Variants in HDAC9 observed in about 807,000 individuals in gnomAD.
HDAC9 encodes MEF-2 interacting transcription repressor (MITR) protein.
HDAC9 carries 41 observed loss-of-function variants against 139.4 expected under a neutral mutation model. The ratio of observed to expected loss-of-function variants is 0.29; its 90% CI spans 0.23 to 0.38. The LOEUF is 0.38. Ranked by LOEUF, HDAC9 falls within the 10% of genes least tolerant of loss-of-function variation. HDAC9 has a pLI of 1.00. For synonymous variants in HDAC9, 517 were observed against 476.2 expected, an observed-to-expected ratio of 1.09 and a Z score of -1.12; for missense variants, 1,147 against 1,297.0, an observed-to-expected ratio of 0.88 and a Z score of 1.78.
At chr7:18,700,071 G>A (rs778546317) in intron 12 of HDAC9, among the ~76,000 whole-genome samples, 1 of 151,948 alleles carries the variant, frequency 6.6e-6, no homozygotes, top group Non-Finnish European at 1.5e-5. Context: ...ATAGATGATG[G>A]TTATAGAGTA....
intron 1 of HDAC9, among the ~76,000 whole-genome samples, chr7:18,398,685 A>T (rs2128731156): frequency 6.6e-6 from 1 of 152,260 alleles, no homozygotes; most frequent in East Asian, 1.9e-4. Context: ...ACATTTAAAT[A>T]TGGTTAAACT....
chr7:18,527,280 A>C (rs1373557931), intron 2 of HDAC9, among the ~76,000 whole-genome samples: 1 of 152,112 alleles, frequency 6.6e-6, no homozygotes, highest in Non-Finnish European at 1.5e-5. Context: ...TGAAACTTGC[A>C]TGTCTTTTGG....
At chr7:18,255,223 G>A (rs1795154268) in intron 2 of HDAC9, among the ~76,000 whole-genome samples, 1 of 152,168 alleles carries the variant, frequency 6.6e-6, no homozygotes, top group Non-Finnish European at 1.5e-5. Context: ...TAAACACATA[G>A]CTGATATTCA....
chr7:18,749,055 T>G lies in HDAC9; in HGVS notation c.1960T>G (p.Ser654Ala), dbSNP rs750275725. 1 of 1,613,612 alleles carries G rather than the reference T, an allele frequency of 6.2e-7. No homozygotes were observed. The highest frequency in any genetic ancestry group is 1.3e-5 in the African/African-American group (1 of 74,920). Reference sequence around the variant, plus strand: ...GAAACACCAGTGCGTTTGTGGCAATTCCACCACCCACCCTGAGCATGCTGG... The same window carrying G: ...GAAACACCAGTGCGTTTGTGGCAATGCCACCACCCACCCTGAGCATGCTGG... ...MLKHQCVCGN[S>A]TTHPEHAGRI... Residue 654 changes from serine to alanine, a missense_variant, in exon 14 of 26, where the codon TCC becomes GCC. By Grantham distance (99) the Ser-to-Ala change is moderately conservative. Around this residue, in one of 7 missense-constraint regions of HDAC9, gnomAD observed 407 missense variants for 521.5 expected, o/e 0.78. Transcript: ENST00000686413.
chr7:18,353,206 G>T (rs1470161807), intron 1 of HDAC9, among the ~76,000 whole-genome samples: 3 of 152,058 alleles, frequency 2.0e-5, no homozygotes, highest in South Asian at 4.2e-4. Flanking sequence ...ATTGTACAAA[G>T]AAACTTCTTT....
chr7:18,918,281 G>C (rs139280612), intron 22 of HDAC9, among the ~76,000 whole-genome samples: 36 of 151,780 alleles, frequency 2.4e-4, no homozygotes, highest in African/African-American at 7.7e-4. Context: ...AGTCTCTGAG[G>C]AGTACCCATG....
At chr7:18,255,979 G>A (rs997421899) in intron 2 of HDAC9, among the ~76,000 whole-genome samples, 9 of 152,122 alleles carry the variant, frequency 5.9e-5, no homozygotes, top group African/African-American at 2.2e-4. Flanking sequence ...AGGAAGCATT[G>A]AAAGCACAGT....
rs555087077 is a variant in HDAC9, at chr7:18,441,057, T to C, written c.-41-55205T>C. Among the ~76,000 whole-genome samples, 5 of 152,356 alleles carry C rather than the reference T, an allele frequency of 3.3e-5. 1 individual carries two copies. Among genetic ancestry groups the C allele is most frequent in the African/African-American group, 1.2e-4 (5 of 41,590 alleles). On this transcript the variant is annotated intron_variant, in intron 1 of 3. Transcript: ENST00000413509. ...AATTTGGCAATTCAATGGACTTCTC[T>C]GGATCATGTTCCTTCATCTATAAAA...
chr7:18,238,273 T>C (rs1307332635), intron 2 of HDAC9, among the ~76,000 whole-genome samples: 1 of 152,214 alleles, frequency 6.6e-6, no homozygotes, highest in Non-Finnish European at 1.5e-5. Context: ...CAAAACCCTT[T>C]GGGACAGTTG....
At chr7:18,737,329 G>C (rs942933919) in intron 13 of HDAC9, among the ~76,000 whole-genome samples, 1 of 152,076 alleles carries the variant, frequency 6.6e-6, no homozygotes, top group Admixed American at 6.6e-5. Context: ...TGATATTAGG[G>C]TCTTGATTTT....
chr7:18,256,175 C>T (rs1045665913), intron 2 of HDAC9, among the ~76,000 whole-genome samples: 14 of 151,976 alleles, frequency 9.2e-5, no homozygotes, highest in East Asian at 3.8e-4. Flanking sequence ...TACAATGCCC[C>T]GTATTTTAGG....
At chr7:18,330,596 A>G (rs1188958470) in intron 1 of HDAC9, among the ~76,000 whole-genome samples, 1 of 151,038 alleles carries the variant, frequency 6.6e-6, no homozygotes. Context: ...ATACCTCAGG[A>G]GGGAAAAAAA....
At chr7:18,981,947 GA>G (rs60037513) in intron 25 of HDAC9, among the ~76,000 whole-genome samples, 1 of 149,830 alleles carries the variant, frequency 6.7e-6, no homozygotes, top group Non-Finnish European at 1.5e-5. Context: ...CCTGCAAAAT[GA>G]AAAAAAAAGC....
chr7:18,647,871 C>T lies in HDAC9; in HGVS notation c.1122C>T (p.Ser374=). 6.2e-7 allele frequency: 1 copy of T among 1,612,604 alleles called. No individual in the cohort carries two copies. The highest frequency in any genetic ancestry group is 8.5e-7 in the Non-Finnish European group (1 of 1,179,320). The part of the protein sequence containing the change: ...GVPLPGQYGG[S]IPASSSHPHV... ...CTCTGCCTGGGCAGTATGGAGGCAG[C>T]ATCCCGGCATCTTCCAGCCACCCTC... The change falls in exon 10 of 26, where the codon AGC becomes AGT. Residue 374 remains serine, a synonymous_variant. Coordinates refer to ENST00000686413, the MANE Select transcript of HDAC9 (RefSeq NM_178425.4).
chr7:18,978,936 TTG>T (rs200796967), intron 25 of HDAC9, among the ~76,000 whole-genome samples: 79 of 152,186 alleles, frequency 5.2e-4, no homozygotes, highest in East Asian at 5.8e-4. Context: ...CTTGGTGACT[TTG>T]TGTGTGTGTG....
intron 2 of HDAC9, among the ~76,000 whole-genome samples, chr7:18,252,481 A>G (rs1360992661): frequency 6.6e-6 from 1 of 152,192 alleles, no homozygotes; most frequent in Admixed American, 6.5e-5. Flanking sequence ...TATATCCTAC[A>G]TACCCTAAGG....
At chr7:18,164,095 A>G (rs1787839083) in intron 2 of HDAC9, among the ~76,000 whole-genome samples, 1 of 152,214 alleles carries the variant, frequency 6.6e-6, no homozygotes, top group Non-Finnish European at 1.5e-5. Flanking sequence ...CTTATAAATC[A>G]TTCTGCTGTG....
chr7:18,918,084 TA>T (rs536695871), intron 22 of HDAC9, among the ~76,000 whole-genome samples: 3 of 152,140 alleles, frequency 2.0e-5, no homozygotes, highest in African/African-American at 7.2e-5. Flanking sequence ...CACATTCAAT[TA>T]AAATCAAGTC....
chr7:18,526,290 C>A (rs759744559), intron 2 of HDAC9, among the ~76,000 whole-genome samples: 2 of 152,050 alleles, frequency 1.3e-5, no homozygotes, highest in Non-Finnish European at 2.9e-5. Flanking sequence ...CCCCATTGAC[C>A]ACCCCCAATG....
Sources: allele counts gnomAD v4.1 joint callset (sites outside exome capture counted in the v4.1 genomes callset), GRCh38; gene constraint gnomAD v4.1.1; regional missense constraint gnomAD v4.1.1; transcripts MANE v1.5; gene names NCBI Gene and HGNC (gene_info 2026-07-23, HGNC 2026-07-21).